Variants in TNR observed in about 807,000 individuals in gnomAD.
The protein encoded by TNR is tenascin R.
In TNR, 45 loss-of-function variants were observed where a neutral mutation model predicts 150.4. The ratio of observed to expected loss-of-function variants is 0.30; its 90% confidence interval spans 0.24 to 0.38. The LOEUF is 0.38. Ranked by LOEUF, TNR falls within the 10% of genes least tolerant of loss-of-function variation. TNR has a pLI of 1.00. For missense variants in TNR, 1,544 were observed against 1,759.1 expected (o/e 0.88, Z 2.19); for synonymous variants, 687 against 678.4 (o/e 1.01, Z -0.20).
chr1:175,356,454 C>T lies in TNR; in HGVS notation c.2983G>A (p.Glu995Lys). 6.2e-7 allele frequency: 1 copy of T among 1,613,830 alleles called. No individual in the cohort carries two copies. The highest frequency in any genetic ancestry group is 8.5e-7 in the Non-Finnish European group (1 of 1,179,832). ...IVLTHFAVAG[E>K]TILVDGVSEE... ...CTGACTCCGTCAACAAGGATGGTCT[C>T]TCCAGCGACTGAACTCAAATGAATA... Residue 995 changes from glutamate to lysine, a missense_variant, in exon 16 of 23, where the codon GAG becomes AAG. Coordinates refer to ENST00000367674, the MANE Select transcript of TNR (RefSeq NM_003285.3).
intron 1 of TNR, among the ~76,000 whole-genome samples, chr1:175,601,594 T>A (rs6692436): frequency 6.6e-6 from 1 of 151,956 alleles, no homozygotes; most frequent in Non-Finnish European, 1.5e-5. Context: ...AGATAAAATG[T>A]TAAAAGCCAT....
intron 1 of TNR, among the ~76,000 whole-genome samples, chr1:175,689,344 T>C (rs76290810): frequency 6.6e-6 from 1 of 152,042 alleles, no homozygotes; most frequent in Non-Finnish European, 1.5e-5. Context: ...CCAGGTAGCA[T>C]GACCGAATAC....
Position 175,459,157 on chromosome 1 carries a change from C to T in TNR, c.-63-52380G>A, listed in dbSNP as rs141404262. Among the ~76,000 whole-genome samples, 1,067 of 151,904 alleles carry T rather than the reference C, an allele frequency of 7.0e-3. 5 individuals are homozygous for T. Among genetic ancestry groups the T allele is most frequent in the Non-Finnish European group, 0.012 (808 of 67,958 alleles). On this transcript the variant is annotated intron_variant, in intron 2 of 22. Coordinates refer to ENST00000367674, the MANE Select transcript of TNR (RefSeq NM_003285.3). ...TCACTACCACCTCCACCACTACCAC[C>T]AACACTATTATCATGACCTCCCCCA...
intron 14 of TNR, among the ~76,000 whole-genome samples, chr1:175,360,515 GT>G (rs1651542016): frequency 6.6e-6 from 1 of 152,102 alleles, no homozygotes; most frequent in Admixed American, 6.5e-5. Context: ...CTTTATTACT[GT>G]GCTTCTCTTC....
At chr1:175,568,322 T>G (rs1209983120) in intron 1 of TNR, among the ~76,000 whole-genome samples, 9 of 152,220 alleles carry the variant, frequency 5.9e-5, no homozygotes, top group Non-Finnish European at 1.5e-5. Context: ...TTTTTTCTTT[T>G]TCCTTGTTGA....
chr1:175,518,140 T>C (rs185332846), intron 2 of TNR, among the ~76,000 whole-genome samples: 2 of 152,372 alleles, frequency 1.3e-5, no homozygotes, highest in East Asian at 3.8e-4. Flanking sequence ...ATAATACTTC[T>C]GTAAGCAGTT....
At chr1:175,665,140 A>G (rs1398119366) in intron 1 of TNR, among the ~76,000 whole-genome samples, 1 of 152,236 alleles carries the variant, frequency 6.6e-6, no homozygotes, top group Non-Finnish European at 1.5e-5. Context: ...ATGAAGAAAT[A>G]ACTATAGCAC....
At chr1:175,559,124 A>T (rs1661310868) in intron 1 of TNR, among the ~76,000 whole-genome samples, 1 of 152,176 alleles carries the variant, frequency 6.6e-6, no homozygotes, top group South Asian at 2.1e-4. Context: ...CACTATACAA[A>T]CAAACAAATG....
At chr1:175,655,198 G>T (rs967460323) in intron 1 of TNR, among the ~76,000 whole-genome samples, 4 of 152,092 alleles carry the variant, frequency 2.6e-5, no homozygotes, top group Non-Finnish European at 5.9e-5. Flanking sequence ...TACCTGAAGG[G>T]CAACATGTAC....
intron 2 of TNR, among the ~76,000 whole-genome samples, chr1:175,511,788 G>A (rs182044711): frequency 5.3e-5 from 8 of 152,292 alleles, no homozygotes; most frequent in East Asian, 1.9e-4. Flanking sequence ...CCCCTGACCC[G>A]TAGTGAGGTG....
chr1:175,665,619 G>C (rs368063141), intron 1 of TNR, among the ~76,000 whole-genome samples: 1 of 152,214 alleles, frequency 6.6e-6, no homozygotes, highest in Admixed American at 6.5e-5. Flanking sequence ...CAATAAAAAT[G>C]ATTCTACTGA....
chr1:175,694,407 A>G (rs1666453736), intron 1 of TNR, among the ~76,000 whole-genome samples: 1 of 152,168 alleles, frequency 6.6e-6, no homozygotes, highest in Non-Finnish European at 1.5e-5. Flanking sequence ...TTCATATTCA[A>G]TCTATCCAAA....
intron 2 of TNR, among the ~76,000 whole-genome samples, chr1:175,413,773 G>C (rs1175258687): frequency 1.3e-5 from 2 of 152,186 alleles, no homozygotes; most frequent in African/African-American, 4.8e-5. Context: ...TAGGAGGTAA[G>C]GGCTTTGGGA....
intron 2 of TNR, among the ~76,000 whole-genome samples, chr1:175,514,863 A>T (rs910700034): frequency 1.3e-5 from 2 of 152,202 alleles, no homozygotes; most frequent in Non-Finnish European, 2.9e-5. Flanking sequence ...GGGCTGGATG[A>T]CTGCCCCTGA....
At chr1:175,589,459 C>G (rs1662707509) in intron 1 of TNR, among the ~76,000 whole-genome samples, 1 of 152,120 alleles carries the variant, frequency 6.6e-6, no homozygotes, top group Non-Finnish European at 1.5e-5. Context: ...ACTCAGTCAC[C>G]ATCTCCCTGA....
intron 2 of TNR, among the ~76,000 whole-genome samples, chr1:175,432,293 TGGTCCCATTTTCTA>T (rs1186564869): frequency 1.3e-5 from 2 of 152,208 alleles, no homozygotes; most frequent in African/African-American, 4.8e-5. Flanking sequence ...GGGACCTGAC[TGGTCCCATTTTCTA>T]GGCATTGCAG....
intron 2 of TNR, among the ~76,000 whole-genome samples, chr1:175,492,551 A>T (rs1658303320): frequency 6.6e-6 from 1 of 152,220 alleles, no homozygotes; most frequent in South Asian, 2.1e-4. Flanking sequence ...GCGGTCACAG[A>T]GTTCCCATCC....
intron 4 of TNR, among the ~76,000 whole-genome samples, chr1:175,400,352 G>A (rs1308159239): frequency 6.6e-6 from 1 of 152,200 alleles, no homozygotes; most frequent in Non-Finnish European, 1.5e-5. Flanking sequence ...TTAATTAGCT[G>A]TCTGGCTCTG....
At chr1:175,508,498 C>A (rs1380087680) in intron 2 of TNR, among the ~76,000 whole-genome samples, 1 of 152,096 alleles carries the variant, frequency 6.6e-6, no homozygotes, top group Non-Finnish European at 1.5e-5. Flanking sequence ...ATAAAAAGAC[C>A]AGGTCACTTT....
Sources: allele counts gnomAD v4.1 joint callset (sites outside exome capture counted in the v4.1 genomes callset), GRCh38; gene constraint gnomAD v4.1.1; transcripts MANE v1.5; gene names NCBI Gene and HGNC (gene_info 2026-07-23, HGNC 2026-07-21).